The following SLC4A10 variants were observed in gnomAD, a reference collection of about 807,000 sequenced individuals.
The protein encoded by SLC4A10 is sodium-driven chloride bicarbonate exchanger.
A neutral mutation model predicts 137.7 loss-of-function variants in SLC4A10; 42 were observed. That is an observed-to-expected ratio of 0.30 (90% CI 0.24 to 0.39). The LOEUF (loss-of-function observed/expected upper bound fraction) is 0.39, where lower values mean the gene tolerates loss of function less well. Among genes scored for constraint, SLC4A10 ranks in the 10% least tolerant of loss-of-function variants. The pLI is 1.00. For synonymous variants in SLC4A10, 474 were observed against 464.1 expected, an observed-to-expected ratio of 1.02 and a Z score of -0.27; for missense variants, 925 against 1,355.0, an observed-to-expected ratio of 0.68 and a Z score of 4.98.
chr2:161,894,025 T>A (rs1026108940), intron 10 of SLC4A10, among the ~76,000 whole-genome samples: 1 of 152,092 alleles, frequency 6.6e-6, no homozygotes, highest in Admixed American at 6.6e-5. Flanking sequence ...CATCATAAAG[T>A]CAAAAGATTG....
intron 16 of SLC4A10, among the ~76,000 whole-genome samples, chr2:161,943,306 T>C (rs1002602117): frequency 2.0e-5 from 3 of 152,106 alleles, no homozygotes; most frequent in Non-Finnish European, 4.4e-5. Context: ...GTTTCTAATA[T>C]TCTAGTGTCA....
At chr2:161,763,018 C>G (rs368345740) in intron 1 of SLC4A10, among the ~76,000 whole-genome samples, 1 of 152,030 alleles carries the variant, frequency 6.6e-6, no homozygotes, top group Non-Finnish European at 1.5e-5. Context: ...GAGAAAACTT[C>G]TTTGAAAGTG....
intron 1 of SLC4A10, among the ~76,000 whole-genome samples, chr2:161,642,021 C>T (rs1395901628): frequency 6.6e-6 from 1 of 151,970 alleles, no homozygotes; most frequent in African/African-American, 2.4e-5. Context: ...ATTCTTCCAT[C>T]TCATTTCACA....
In SLC4A10 at chr2:161,830,277, A is replaced by T. The variant is rs568896795; in HGVS notation, c.278-9512A>T. On this transcript the variant is annotated intron_variant, in intron 3 of 26. Coordinates refer to ENST00000446997, the MANE Select transcript of SLC4A10 (RefSeq NM_001178015.2). ...CTTATCTGATTTACTTTAAGAATCT[A>T]TTTTCCTCTTTAATGCAGTTAACTA... Among the ~76,000 whole-genome samples the T allele has an allele frequency of 9.2e-5, 14 of 152,092 alleles. No homozygotes were observed. In the South Asian group the frequency reaches 2.9e-3, roughly 32 times the overall value.
chr2:161,848,884 G>A (rs2059654029), intron 4 of SLC4A10, among the ~76,000 whole-genome samples: 1 of 152,070 alleles, frequency 6.6e-6, no homozygotes, highest in African/African-American at 2.4e-5. Flanking sequence ...GGTTCCATAT[G>A]AATTTTAGAA....
intron 1 of SLC4A10, among the ~76,000 whole-genome samples, chr2:161,682,031 T>G (rs1470349890): frequency 1.3e-5 from 2 of 152,150 alleles, no homozygotes; most frequent in Non-Finnish European, 2.9e-5. Flanking sequence ...CAATCAGACT[T>G]GTCCTCTTTT....
At chr2:161,711,895 A>G (rs1307061430) in intron 1 of SLC4A10, among the ~76,000 whole-genome samples, 3 of 151,830 alleles carry the variant, frequency 2.0e-5, no homozygotes, top group Admixed American at 6.6e-5. Context: ...GAGTTAATGT[A>G]TGTGAAACAC....
At chr2:161,628,690 G>A (rs1048957824) in intron 1 of SLC4A10, among the ~76,000 whole-genome samples, 11 of 151,982 alleles carry the variant, frequency 7.2e-5, no homozygotes, top group Non-Finnish European at 1.0e-4. Context: ...GCAAAATGCA[G>A]TATAAGAAAT....
intron 1 of SLC4A10, among the ~76,000 whole-genome samples, chr2:161,750,697 ATTC>A (rs1291904749): frequency 1.3e-5 from 2 of 151,756 alleles, no homozygotes; most frequent in African/African-American, 4.8e-5. Flanking sequence ...AAGAATGTGT[ATTC>A]TTCTGCTGTT....
chr2:161,842,491 CTTTA>C (rs1214984255), intron 4 of SLC4A10, among the ~76,000 whole-genome samples: 2 of 151,700 alleles, frequency 1.3e-5, no homozygotes, highest in African/African-American at 2.4e-5. Flanking sequence ...TATTCATTTC[CTTTA>C]TTTATTTTAT....
intron 1 of SLC4A10, chr2:161,709,767 CCTCAGAATTATATA>C (rs751211994): frequency 3.0e-4 from 46 of 151,582 alleles, no homozygotes; most frequent in Non-Finnish European, 6.3e-4. Context: ...TACAGCATGT[CCTCAGAATTATATA>C]CTTGGATAAG....
At chr2:161,741,109 C>T (rs2047835100) in intron 1 of SLC4A10, among the ~76,000 whole-genome samples, 1 of 151,970 alleles carries the variant, frequency 6.6e-6, no homozygotes, top group African/African-American at 2.4e-5. Context: ...CGTGTCTCCA[C>T]AAAAAATTAG....
intron 21 of SLC4A10, among the ~76,000 whole-genome samples, chr2:161,963,757 C>T (rs1168794433): frequency 1.3e-5 from 2 of 152,038 alleles, no homozygotes; most frequent in Non-Finnish European, 2.9e-5. Context: ...AATGAGAGTC[C>T]AGGAATCCCA....
intron 16 of SLC4A10, among the ~76,000 whole-genome samples, chr2:161,943,336 G>A (rs1052704850): frequency 1.3e-5 from 2 of 151,968 alleles, no homozygotes; most frequent in South Asian, 4.1e-4. Flanking sequence ...TCTTTGGGAG[G>A]AACAAATATC....
intron 1 of SLC4A10, among the ~76,000 whole-genome samples, chr2:161,630,739 A>G (rs1367630543): frequency 6.6e-6 from 1 of 151,776 alleles, no homozygotes; most frequent in Non-Finnish European, 1.5e-5. Context: ...ATATTGTCTC[A>G]GGCTCATGAT....
intron 4 of SLC4A10, among the ~76,000 whole-genome samples, chr2:161,848,122 A>T (rs1476224633): frequency 5.3e-5 from 8 of 152,108 alleles, no homozygotes; most frequent in Non-Finnish European, 8.8e-5. Flanking sequence ...TTCTGTAATG[A>T]TTAGTGATAC....
At chr2:161,649,945 C>T (rs1340458793) in intron 1 of SLC4A10, among the ~76,000 whole-genome samples, 1 of 152,126 alleles carries the variant, frequency 6.6e-6, no homozygotes, top group Admixed American at 6.5e-5. Context: ...ATATTCTTTA[C>T]TCAATTTCCT....
At chr2:161,910,637 G>GAT (rs1360922702) in intron 15 of SLC4A10, among the ~76,000 whole-genome samples, 1 of 152,054 alleles carries the variant, frequency 6.6e-6, no homozygotes, top group Non-Finnish European at 1.5e-5. Flanking sequence ...TCTAGTTTCT[G>GAT]ATATATATGT....
intron 1 of SLC4A10, among the ~76,000 whole-genome samples, chr2:161,628,746 G>A (rs1169702622): frequency 3.3e-5 from 5 of 151,978 alleles, no homozygotes; most frequent in Admixed American, 3.3e-4. Flanking sequence ...ACTCTAGCAT[G>A]GTGAGTGACT....
Sources: gnomAD v4.1 joint callset for allele counts (sites outside exome capture counted in the v4.1 genomes callset) on GRCh38, gnomAD v4.1.1 for gene constraint, MANE v1.5 for transcripts, NCBI Gene and HGNC (gene_info 2026-07-23, HGNC 2026-07-21) for gene names.